PRICKLE2: variants seen among roughly 807,000 people sequenced by gnomAD.
PRICKLE2 encodes prickle planar cell polarity protein 2, also known as prickle-like protein 2.
PRICKLE2 carries 21 observed loss-of-function variants against 81.4 expected under a neutral mutation model. That is an observed-to-expected ratio of 0.26 (90% CI 0.18 to 0.37). The LOEUF is 0.37. Ranked by LOEUF, PRICKLE2 falls within the 10% of genes least tolerant of loss-of-function variation. PRICKLE2 has a pLI of 1.00. For missense variants in PRICKLE2, 940 were observed against 1,109.0 expected (o/e 0.85, Z 2.16); for synonymous variants, 456 against 421.5 (o/e 1.08, Z -1.00).
intron 2 of PRICKLE2, among the ~76,000 whole-genome samples, chr3:64,238,958 G>T (rs943363486): frequency 6.6e-6 from 1 of 152,022 alleles, no homozygotes; most frequent in African/African-American, 2.4e-5. Context: ...TGGAATCCCT[G>T]GCAGCCAGGG....
chr3:64,179,194 A>G (rs543248017), intron 2 of PRICKLE2, among the ~76,000 whole-genome samples: 1 of 152,056 alleles, frequency 6.6e-6, no homozygotes, highest in East Asian at 1.9e-4. Context: ...CTCCTGCCTC[A>G]GCCTCCAGAG....
rs34396377 is a variant in PRICKLE2 at position 64,128,743 on chromosome 3, C to CAAAA, written c.1660+18083_1660+18086dup. 2.0e-3 allele frequency among the ~76,000 whole-genome samples: 189 copies of CAAAA among 94,046 alleles called. 1 individual carries two copies. Among genetic ancestry groups the CAAAA allele is most frequent in the African/African-American group, 7.5e-3 (179 of 23,778 alleles). 61.7% of individuals were successfully genotyped at this position (94,046 alleles called of 152,430 possible). A position where few individuals can be genotyped will look rare whatever the true frequency, so the allele number is the denominator to read the frequency against. The stretch of plus-strand genomic sequence containing the variant: ...CCTGGGCAACAGTGTAAGACTGTCT[C>CAAAA]AAAAAAAAAAAAAAAAAAAAGGCAT... On this transcript the variant is annotated intron_variant, in intron 7 of 7. Coordinates refer to ENST00000638394, the MANE Select transcript of PRICKLE2 (RefSeq NM_198859.4).
chr3:64,180,611 C>T (rs1037416576), intron 2 of PRICKLE2, among the ~76,000 whole-genome samples: 1 of 152,050 alleles, frequency 6.6e-6, no homozygotes, highest in African/African-American at 2.4e-5. Context: ...CTGCTCACTG[C>T]AACCTCCACC....
intron 2 of PRICKLE2, among the ~76,000 whole-genome samples, chr3:64,245,555 G>A (rs762844132): frequency 4.2e-4 from 64 of 152,216 alleles, no homozygotes; most frequent in Admixed American, 2.8e-3. Context: ...AAGAGGTGAC[G>A]TGTGTTGCAA....
chr3:64,130,469 ACT>A (rs1045593758), intron 7 of PRICKLE2, among the ~76,000 whole-genome samples: 5 of 152,046 alleles, frequency 3.3e-5, no homozygotes, highest in African/African-American at 1.2e-4. Flanking sequence ...GTAATGCTAG[ACT>A]CTCTGCAATT....
chr3:64,132,867 T>C (rs1474923978), intron 7 of PRICKLE2, among the ~76,000 whole-genome samples: 1 of 152,182 alleles, frequency 6.6e-6, no homozygotes, highest in East Asian at 1.9e-4. Context: ...ACAGTTTCTT[T>C]AATTGAGGTA....
intron 2 of PRICKLE2, among the ~76,000 whole-genome samples, chr3:64,254,709 A>C (rs185454591): frequency 2.6e-5 from 4 of 152,312 alleles, no homozygotes; most frequent in African/African-American, 9.6e-5. Flanking sequence ...TCTCAAGTCA[A>C]AATTAATCAT....
intron 2 of PRICKLE2, among the ~76,000 whole-genome samples, chr3:64,176,575 A>G (rs969477795): frequency 6.6e-6 from 1 of 152,214 alleles, no homozygotes; most frequent in Non-Finnish European, 1.5e-5. Context: ...TAATCCAAAG[A>G]AAGAATTCTT....
chr3:64,229,579 G>A (rs1963348), upstream of PRICKLE2, among the ~76,000 whole-genome samples: 42,155 of 152,112 alleles, frequency 0.28, 6,878 homozygotes, highest in Admixed American at 0.4. Context: ...TCAAGGAAAT[G>A]GCAGTGTTTC....
intron 2 of PRICKLE2, among the ~76,000 whole-genome samples, chr3:64,263,626 GGGGCTGTGTA>G (rs569877376): frequency 2.8e-3 from 429 of 152,278 alleles, no homozygotes; most frequent in Non-Finnish European, 5.0e-3. Flanking sequence ...TCAACTTTCT[GGGGCTGTGTA>G]GGGTGAGGTC....
chr3:64,184,912 A>C (rs1175081287), intron 2 of PRICKLE2, among the ~76,000 whole-genome samples: 1 of 152,180 alleles, frequency 6.6e-6, no homozygotes, highest in Non-Finnish European at 1.5e-5. Context: ...TATCCATGTC[A>C]TTTGACCTTC....
chr3:64,105,175 G>A (rs375789722), intron 7 of PRICKLE2, among the ~76,000 whole-genome samples: 27 of 152,138 alleles, frequency 1.8e-4, no homozygotes, highest in East Asian at 5.8e-4. Context: ...TAAAGTCCTC[G>A]TGTAGATGTC....
chr3:64,096,431 AC>A lies in PRICKLE2; in HGVS notation c.*2619del, dbSNP rs1256844668. 2 of 152,204 alleles carry A rather than the reference AC, an allele frequency of 1.3e-5. No homozygotes were observed. Among genetic ancestry groups the A allele is most frequent in the African/African-American group, 2.4e-5 (1 of 41,452 alleles). 9.4% of individuals were successfully genotyped at this position (152,204 alleles called of 1,614,324 possible). A position where few individuals can be genotyped will look rare whatever the true frequency, so the allele number is the denominator to read the frequency against. ...ATCACTAGCAGGCAGAATTCCAAAT[AC>A]AGTGATGTCCTTCTCCTCAATAGGG... On this transcript the variant is annotated 3_prime_UTR_variant, in exon 8 of 8. Coordinates refer to ENST00000638394, the MANE Select transcript of PRICKLE2 (RefSeq NM_198859.4).
chr3:64,257,343 A>C (rs757500850), intron 2 of PRICKLE2, among the ~76,000 whole-genome samples: 2 of 152,142 alleles, frequency 1.3e-5, no homozygotes, highest in Non-Finnish European at 2.9e-5. Context: ...CTAATCTGTA[A>C]GACAGTCTGG....
At chr3:64,230,050 A>G (rs1439574517), upstream of PRICKLE2, among the ~76,000 whole-genome samples, 1 of 152,210 alleles carries the variant, frequency 6.6e-6, no homozygotes, top group Non-Finnish European at 1.5e-5. Context: ...ATCTCAGTGA[A>G]TAATTTCCAA....
At chr3:64,244,679 C>A (rs1033616850) in intron 2 of PRICKLE2, among the ~76,000 whole-genome samples, 2 of 149,852 alleles carry the variant, frequency 1.3e-5, no homozygotes, top group East Asian at 2.0e-4. Flanking sequence ...AGACAGAAAG[C>A]GAAAAAATGG....
intron 2 of PRICKLE2, among the ~76,000 whole-genome samples, chr3:64,196,293 C>A (rs1303546053): frequency 6.6e-6 from 1 of 152,036 alleles, no homozygotes; most frequent in Non-Finnish European, 1.5e-5. Flanking sequence ...AAATTCAGAG[C>A]CCAATTTAGC....
chr3:64,215,060 T>C (rs1241144179), intron 1 of PRICKLE2, among the ~76,000 whole-genome samples: 1 of 152,174 alleles, frequency 6.6e-6, no homozygotes, highest in Non-Finnish European at 1.5e-5. Context: ...CACCACCGTT[T>C]GTTTTTTAAA....
chr3:64,178,977 TTC>T (rs1389147391), intron 2 of PRICKLE2, among the ~76,000 whole-genome samples: 1 of 112,722 alleles, frequency 8.9e-6, no homozygotes, highest in Non-Finnish European at 1.9e-5. Context: ...CTTTCTTTCT[TTC>T]TTTCTTTCTT....
Sources: allele counts gnomAD v4.1 joint callset (sites outside exome capture counted in the v4.1 genomes callset), GRCh38; gene constraint gnomAD v4.1.1; transcripts MANE v1.5; gene names NCBI Gene and HGNC (gene_info 2026-07-23, HGNC 2026-07-21).